Variants in TMEM74 observed in about 807,000 individuals in gnomAD.
TMEM74 encodes transmembrane protein 74.
A neutral mutation model predicts 18.1 loss-of-function variants in TMEM74; 13 were observed. The ratio of observed to expected loss-of-function variants is 0.72; its 90% confidence interval spans 0.47 to 1.14. TMEM74 has a LOEUF of 1.14. Among genes scored for constraint, TMEM74 ranks in the 50% most tolerant of loss-of-function variants. The probability of loss-of-function intolerance (pLI) is 0.00; values close to 1 mark genes in which losing one functional copy is unlikely to be tolerated. For synonymous variants in TMEM74, 159 were observed against 146.6 expected (o/e 1.08, Z -0.61); for missense variants, 372 against 375.9 (o/e 0.99, Z 0.09).
At chr8:108,642,640 G>A (rs1812677520) in intron 2 of TMEM74, among the ~76,000 whole-genome samples, 2 of 152,168 alleles carry the variant, frequency 1.3e-5, no homozygotes, top group South Asian at 4.2e-4. Context: ...TCGTTTGAGA[G>A]CCACAAATAC....
chr8:108,630,002 A>C (rs995452538), intron 2 of TMEM74, among the ~76,000 whole-genome samples: 1 of 152,144 alleles, frequency 6.6e-6, no homozygotes. Flanking sequence ...CTTAAATGTA[A>C]ATGGGCTAAA....
At chr8:108,624,041 C>G (rs538426755) in intron 2 of TMEM74, among the ~76,000 whole-genome samples, 1 of 152,030 alleles carries the variant, frequency 6.6e-6, no homozygotes, top group Non-Finnish European at 1.5e-5. Flanking sequence ...TTTCCCAGTG[C>G]CAGGATATGC....
intron 1 of TMEM74, among the ~76,000 whole-genome samples, chr8:108,704,880 GT>G (rs1813382008): frequency 6.6e-6 from 1 of 152,192 alleles, no homozygotes; most frequent in Non-Finnish European, 1.5e-5. Flanking sequence ...TGTCAGCAAA[GT>G]TTTCTAACAT....
At chr8:108,724,739 G>C (rs921303717) in intron 1 of TMEM74, among the ~76,000 whole-genome samples, 1 of 152,136 alleles carries the variant, frequency 6.6e-6, no homozygotes, top group African/African-American at 2.4e-5. Flanking sequence ...CAGAGAGAAA[G>C]TGCACTTTCA....
chr8:108,786,770 C>A (rs1814390751), intron 1 of TMEM74, among the ~76,000 whole-genome samples: 1 of 152,152 alleles, frequency 6.6e-6, no homozygotes, highest in South Asian at 2.1e-4. Context: ...TCTGATTAAC[C>A]TTTGGTACCA....
At chr8:108,661,273 C>G (rs1650878696) in intron 1 of TMEM74, among the ~76,000 whole-genome samples, 1 of 151,754 alleles carries the variant, frequency 6.6e-6, no homozygotes, top group African/African-American at 2.4e-5. Context: ...GCTTTAAAAG[C>G]AGCTTTATGC....
chr8:108,777,086 A>G (rs1421751010), downstream of TMEM74, among the ~76,000 whole-genome samples: 1 of 152,182 alleles, frequency 6.6e-6, no homozygotes, highest in African/African-American at 2.4e-5. Flanking sequence ...TTTACGTTCT[A>G]TCAGAGTCTT....
chr8:108,619,658 G>C (rs542859528), intron 2 of TMEM74, among the ~76,000 whole-genome samples: 1 of 152,182 alleles, frequency 6.6e-6, no homozygotes, highest in Non-Finnish European at 1.5e-5. Flanking sequence ...TGCTCTGAAA[G>C]AGTTGAAGCC....
chr8:108,728,214 A>T (rs1211827019), intron 1 of TMEM74, among the ~76,000 whole-genome samples: 1 of 152,170 alleles, frequency 6.6e-6, no homozygotes, highest in African/African-American at 2.4e-5. Flanking sequence ...TCCCTTTTAA[A>T]GTGGAATAAA....
chr8:108,706,273 C>A (rs1813395349), intron 1 of TMEM74, among the ~76,000 whole-genome samples: 3 of 152,222 alleles, frequency 2.0e-5, no homozygotes, highest in Non-Finnish European at 2.9e-5. Flanking sequence ...TATAAAAATT[C>A]AAATTACTGT....
At position 108,750,175 on chromosome 8, in the gene TMEM74, T is replaced by C. The variant is rs1028852746; in HGVS notation, n.119+37301A>G. ...CCAGGTCTCACTCTGAGAATCAAAA[T>C]AGATACCTACACAGATGCATAAAGC... On this transcript the variant is annotated intron_variant and non_coding_transcript_variant, in intron 1 of 3. Transcript: ENST00000518838. Among the ~76,000 whole-genome samples the C allele has an allele frequency of 3.4e-4, 52 of 152,144 alleles. 1 individual carries two copies.
intron 1 of TMEM74, among the ~76,000 whole-genome samples, chr8:108,691,157 T>C (rs1270539032): frequency 6.6e-6 from 1 of 152,202 alleles, no homozygotes; most frequent in African/African-American, 2.4e-5. Flanking sequence ...CACAGTCCCA[T>C]GTTGGCCGGG....
intron 1 of TMEM74, among the ~76,000 whole-genome samples, chr8:108,671,465 A>G (rs1293215105): frequency 6.6e-6 from 1 of 152,212 alleles, no homozygotes; most frequent in Admixed American, 6.5e-5. Flanking sequence ...CCCTGTGCCC[A>G]AAAGAAAAGC....
chr8:108,610,307 A>G (rs778980919), intron 2 of TMEM74, among the ~76,000 whole-genome samples: 30 of 152,180 alleles, frequency 2.0e-4, no homozygotes, highest in Non-Finnish European at 3.8e-4. Context: ...CAGTTTGTGT[A>G]AATGCTCTTT....
At chr8:108,718,321 A>C (rs1813550273) in intron 1 of TMEM74, among the ~76,000 whole-genome samples, 1 of 152,170 alleles carries the variant, frequency 6.6e-6, no homozygotes, top group Non-Finnish European at 1.5e-5. Context: ...GAGTGGTACC[A>C]GTTAGAAAAA....
At position 108,704,994 on chromosome 8, in the gene TMEM74, C is replaced by T. The variant is rs117683916; in HGVS notation, n.120-49557G>A. 2.7e-3 allele frequency among the ~76,000 whole-genome samples: 409 copies of T among 152,166 alleles called. 4 individuals are homozygous for T. In the East Asian group the frequency reaches 0.028, roughly 10 times the overall value. On this transcript the variant is annotated intron_variant and non_coding_transcript_variant, in intron 1 of 3. Transcript: ENST00000518838. ...ACTGAAATTCAAGGATATAAACATCCGATATAATGTATGAGGGCAAATTTT... is the reference window on the plus strand; with the variant it reads ...ACTGAAATTCAAGGATATAAACATCTGATATAATGTATGAGGGCAAATTTT...
chr8:108,714,054 A>T (rs1813499290), intron 1 of TMEM74, among the ~76,000 whole-genome samples: 1 of 152,184 alleles, frequency 6.6e-6, no homozygotes, highest in Non-Finnish European at 1.5e-5. Flanking sequence ...CCCCCAGCAG[A>T]TTAACGACAC....
intron 1 of TMEM74, among the ~76,000 whole-genome samples, chr8:108,785,672 C>T (rs1426903395): frequency 6.6e-6 from 1 of 152,188 alleles, no homozygotes; most frequent in Non-Finnish European, 1.5e-5. Flanking sequence ...TGACTATACA[C>T]CCCTATCAGC....
intron 1 of TMEM74, among the ~76,000 whole-genome samples, chr8:108,661,997 A>G (rs1427019983): frequency 6.6e-6 from 1 of 152,156 alleles, no homozygotes; most frequent in Non-Finnish European, 1.5e-5. Flanking sequence ...ATTTTCTACG[A>G]AATGTGGATT....
Sources: gnomAD v4.1 joint callset for allele counts (sites outside exome capture counted in the v4.1 genomes callset) on GRCh38, gnomAD v4.1.1 for gene constraint, MANE v1.5 for transcripts, NCBI Gene and HGNC (gene_info 2026-07-23, HGNC 2026-07-21) for gene names.